Variants in SCRN1 observed in about 807,000 individuals in gnomAD.
SCRN1 encodes the protein secernin 1.
In SCRN1, 19 loss-of-function variants were observed where a neutral mutation model predicts 43.3. The observed-to-expected ratio is 0.44, with a 90% CI of 0.31 to 0.64. The LOEUF is 0.64. Ranked by LOEUF, SCRN1 falls within the 30% of genes least tolerant of loss-of-function variation. The pLI, the probability that SCRN1 is intolerant of heterozygous loss-of-function variation, is 0.09. For synonymous variants in SCRN1, 183 were observed against 188.9 expected (o/e 0.97, Z 0.26); for missense variants, 447 against 524.1 (o/e 0.85, Z 1.44).
chr7:29,963,233 A>G (rs1328624183), intron 2 of SCRN1, among the ~76,000 whole-genome samples: 2 of 152,120 alleles, frequency 1.3e-5, no homozygotes, highest in Non-Finnish European at 2.9e-5. Context: ...ATAAAGGGAG[A>G]GGCAAAACAC....
intron 5 of SCRN1, among the ~76,000 whole-genome samples, chr7:29,937,930 G>A (rs1445996790): frequency 6.6e-6 from 1 of 152,110 alleles, no homozygotes; most frequent in East Asian, 1.9e-4. Flanking sequence ...TGCTTCAACT[G>A]TCCAATGTTC....
chr7:29,931,278 T>G (rs1005411719), intron 6 of SCRN1, among the ~76,000 whole-genome samples: 1 of 152,252 alleles, frequency 6.6e-6, no homozygotes, highest in African/African-American at 2.4e-5. Flanking sequence ...GCATCTGCAT[T>G]CAATTCTCAT....
At chr7:29,988,744 A>C (rs918403717) in intron 1 of SCRN1, 1 of 152,368 alleles carries the variant, frequency 6.6e-6, no homozygotes, top group Non-Finnish European at 1.5e-5. Flanking sequence ...AATCCAGAAA[A>C]GCCACGTTAT....
intron 1 of SCRN1, among the ~76,000 whole-genome samples, chr7:29,982,011 G>A (rs976097009): frequency 2.0e-5 from 3 of 152,160 alleles, no homozygotes; most frequent in African/African-American, 7.2e-5. Flanking sequence ...TTGGAGGCCT[G>A]TGGTTGATAT....
At chr7:29,963,876 G>C (rs983229779) in intron 2 of SCRN1, among the ~76,000 whole-genome samples, 2 of 152,168 alleles carry the variant, frequency 1.3e-5, no homozygotes, top group Non-Finnish European at 2.9e-5. Flanking sequence ...AAATAGGAAA[G>C]TGCAGAACTT....
chr7:29,930,545 CCCAA>C (rs1787122217), intron 6 of SCRN1, among the ~76,000 whole-genome samples: 1 of 152,236 alleles, frequency 6.6e-6, no homozygotes, highest in Non-Finnish European at 1.5e-5. Context: ...AGCAGATACA[CCCAA>C]CCGTGTCCAG....
intron 1 of SCRN1, among the ~76,000 whole-genome samples, chr7:29,986,398 T>C (rs1305915085): frequency 6.6e-6 from 1 of 152,140 alleles, no homozygotes; most frequent in Non-Finnish European, 1.5e-5. Flanking sequence ...AAATTATTAA[T>C]GATATTTTAA....
chr7:29,925,198 G>A (rs1786901290), intron 7 of SCRN1, among the ~76,000 whole-genome samples: 1 of 152,176 alleles, frequency 6.6e-6, no homozygotes, highest in South Asian at 2.1e-4. Flanking sequence ...TAGGCTGGCA[G>A]GGAGGAGAGA....
intron 3 of SCRN1, among the ~76,000 whole-genome samples, chr7:29,949,500 C>A (rs1347599459): frequency 6.6e-6 from 1 of 150,980 alleles, no homozygotes; most frequent in Non-Finnish European, 1.5e-5. Context: ...ACCTCAGCCT[C>A]CCAAGTAGCT....
chr7:29,947,133 A>G, intron 3 of SCRN1: 1 of 1,512,140 alleles, frequency 6.6e-7, no homozygotes, highest in Non-Finnish European at 8.9e-7. Context: ...GTTCCACTGT[A>G]ACATCTATCT....
chr7:29,967,698 G>A (rs1390455586), intron 2 of SCRN1, among the ~76,000 whole-genome samples: 1 of 152,082 alleles, frequency 6.6e-6, no homozygotes, highest in African/African-American at 2.4e-5. Flanking sequence ...CATAAAACCC[G>A]AGCTATAAGC....
At chr7:29,951,081 C>T (rs1453689376) in intron 3 of SCRN1, among the ~76,000 whole-genome samples, 1 of 152,236 alleles carries the variant, frequency 6.6e-6, no homozygotes, top group Admixed American at 6.5e-5. Context: ...GAGTCCAGAC[C>T]TAGGGGCTCC....
chr7:29,961,752 ATGGGGCGGCTGGC>A (rs1370307287), intron 2 of SCRN1, among the ~76,000 whole-genome samples: 3,182 of 150,958 alleles, frequency 0.021, 48 homozygotes, highest in South Asian at 0.054. Context: ...CACCTCCCGG[ATGGGGCGGCTGGC>A]CGGGCAGGGG....
intron 1 of SCRN1, among the ~76,000 whole-genome samples, chr7:29,978,894 G>A (rs533411756): frequency 6.6e-5 from 10 of 152,270 alleles, no homozygotes; most frequent in African/African-American, 2.2e-4. Context: ...ATTTATTGTC[G>A]TGATTCATGT....
intron 1 of SCRN1, among the ~76,000 whole-genome samples, chr7:29,979,189 C>G (rs1426517116): frequency 2.0e-5 from 3 of 152,052 alleles, no homozygotes; most frequent in African/African-American, 7.2e-5. Flanking sequence ...ATGGTGAAAC[C>G]CTGTCTCTAC....
At chr7:29,942,343 G>A (rs1031977896) in intron 4 of SCRN1, among the ~76,000 whole-genome samples, 2 of 152,216 alleles carry the variant, frequency 1.3e-5, no homozygotes, top group Non-Finnish European at 2.9e-5. Flanking sequence ...AAATCAGTAA[G>A]TCCAAGAAAT....
chr7:29,943,833 A>G, intron 4 of SCRN1, 144 bp downstream of exon 4: 1 of 726,612 alleles, frequency 1.4e-6, no homozygotes. Flanking sequence ...CAGAAATGAG[A>G]GGCATGCCAA....
chr7:29,967,884 C>T (rs558734553), intron 2 of SCRN1, among the ~76,000 whole-genome samples: 14 of 152,182 alleles, frequency 9.2e-5, no homozygotes, highest in African/African-American at 1.4e-4. Context: ...AAATAGCCAT[C>T]GTGAAAGTTT....
At chr7:29,947,196 G>T in intron 3 of SCRN1, 1 of 1,550,368 alleles carries the variant, frequency 6.5e-7, no homozygotes, top group Non-Finnish European at 8.7e-7. Flanking sequence ...CTTGCTCTGG[G>T]CCTGGGAATT....
Sources: allele counts gnomAD v4.1 joint callset (sites outside exome capture counted in the v4.1 genomes callset), GRCh38; gene constraint gnomAD v4.1.1; transcripts MANE v1.5; gene names NCBI Gene and HGNC (gene_info 2026-07-23, HGNC 2026-07-21).